The following ERI1 variants were observed in gnomAD, a reference collection of about 807,000 sequenced individuals.
The protein encoded by ERI1 is 3'-5' exoribonuclease 1.
In ERI1, 39 loss-of-function variants were observed where a neutral mutation model predicts 39.7. That is an observed-to-expected ratio of 0.98 (90% CI 0.76 to 1.28). The LOEUF (loss-of-function observed/expected upper bound fraction) is 1.28. Ranked by LOEUF, ERI1 falls within the 50% of genes most tolerant of loss-of-function variation. ERI1 has a pLI of 0.00. For missense variants in ERI1, 581 were observed against 416.9 expected (o/e 1.39, Z -3.43); for synonymous variants, 204 against 149.6 (o/e 1.36, Z -2.65).
intron 1 of ERI1, among the ~76,000 whole-genome samples, chr8:9,005,532 T>TTTTTA: frequency 6.7e-6 from 1 of 148,544 alleles, no homozygotes; most frequent in Non-Finnish European, 1.5e-5. Context: ...TTTTTTTTTT[T>TTTTTA]GAGAGGGAGT....
At chr8:9,044,692 C>G (rs2117355241) in intron 3 of ERI1, among the ~76,000 whole-genome samples, 1 of 151,906 alleles carries the variant, frequency 6.6e-6, no homozygotes, top group Non-Finnish European at 1.5e-5. Context: ...AATCGTTTAC[C>G]AAGCAGCAGA....
At chr8:9,006,995 C>G (rs957775901) in intron 1 of ERI1, among the ~76,000 whole-genome samples, 2 of 152,116 alleles carry the variant, frequency 1.3e-5, no homozygotes, top group African/African-American at 2.4e-5. Flanking sequence ...ACTAAGGTAA[C>G]AAGCTTTAAT....
chr8:9,064,379 C>A (rs1798802408), intron 3 of ERI1, among the ~76,000 whole-genome samples: 1 of 152,130 alleles, frequency 6.6e-6, no homozygotes, highest in African/African-American at 2.4e-5. Context: ...CTTGAGTGGT[C>A]AGACACCTCT....
At chr8:9,005,790 G>T (rs940712930) in intron 1 of ERI1, among the ~76,000 whole-genome samples, 1 of 152,146 alleles carries the variant, frequency 6.6e-6, no homozygotes. Flanking sequence ...CAACGCGCCC[G>T]GCCTCAACGA....
intron 6 of ERI1, among the ~76,000 whole-genome samples, chr8:9,028,452 C>G (rs1382350537): frequency 6.6e-6 from 1 of 152,132 alleles, no homozygotes; most frequent in Non-Finnish European, 1.5e-5. Flanking sequence ...AGGTGTTTTA[C>G]ATCATTTGCT....
rs1422352205 is a variant in ERI1, at chr8:9,032,479, G to C, written c.*2445G>C. 6.6e-6 allele frequency: 1 copy of C among 151,770 alleles called. No individual in the cohort carries two copies. Among genetic ancestry groups the C allele is most frequent in the Non-Finnish European group, 1.5e-5 (1 of 67,958 alleles). 9.4% of individuals were successfully genotyped at this position (151,770 alleles called of 1,614,324 possible). ...CTGTTGGATCAAGTATTTAACATTT[G>C]CTCTGAAAAAAATGTTTTTGTGATG... On this transcript the variant is annotated 3_prime_UTR_variant, in exon 7 of 7. Transcript: ENST00000250263.
At chr8:9,053,092 C>T (rs1260758640) in intron 3 of ERI1, among the ~76,000 whole-genome samples, 1 of 152,216 alleles carries the variant, frequency 6.6e-6, no homozygotes, top group African/African-American at 2.4e-5. Flanking sequence ...TCTCAGCAGA[C>T]TGCAACCTCT....
Position 9,027,149 on chromosome 8 carries a change from ATGTGTG to A in ERI1, c.808-2619_808-2614del, listed in dbSNP as rs140641752. 5.9e-3 allele frequency among the ~76,000 whole-genome samples: 836 copies of A among 141,756 alleles called. 6 individuals carry two copies. Among genetic ancestry groups the A allele is most frequent in the Middle Eastern group, 0.014 (4 of 288 alleles). The allele number at this position is 141,756 out of a possible 152,430, so 93.0% of individuals were successfully genotyped here. ...TTGTTATTTTCTGGTGTGTGTGTGT[ATGTGTG>A]TGTGTGTGTGTGTGTGTGTGTGTTT... On this transcript the variant is annotated intron_variant, in intron 6 of 6. Coordinates refer to ENST00000250263, the MANE Select transcript of ERI1 (RefSeq NM_153332.4).
At chr8:9,060,594 T>C (rs1304954544) in intron 3 of ERI1, among the ~76,000 whole-genome samples, 3 of 152,144 alleles carry the variant, frequency 2.0e-5, no homozygotes, top group African/African-American at 7.2e-5. Context: ...GAAGAGGTTA[T>C]GAAATGACCA....
At chr8:9,033,694 C>T (rs936965571), downstream of ERI1, among the ~76,000 whole-genome samples, 1 of 152,166 alleles carries the variant, frequency 6.6e-6, no homozygotes, top group Admixed American at 6.6e-5. Context: ...AGTTGAGGTC[C>T]AGAGCGGTTA....
At chr8:9,086,472 C>G (rs1315181000) in intron 3 of ERI1, among the ~76,000 whole-genome samples, 2 of 152,140 alleles carry the variant, frequency 1.3e-5, no homozygotes, top group Non-Finnish European at 2.9e-5. Flanking sequence ...ATCTCTTGAG[C>G]CAGGGAGGTC....
intron 6 of ERI1, among the ~76,000 whole-genome samples, chr8:9,025,779 C>G (rs757652621): frequency 2.0e-5 from 3 of 150,770 alleles, no homozygotes; most frequent in Middle Eastern, 3.4e-3. Flanking sequence ...ATGATTGGGA[C>G]CAGAAGAAAT....
chr8:9,092,052 G>C (rs1266768913), intron 3 of ERI1, among the ~76,000 whole-genome samples: 1 of 152,146 alleles, frequency 6.6e-6, no homozygotes, highest in Non-Finnish European at 1.5e-5. Flanking sequence ...CGCCTCCTGG[G>C]CTCAAGTGAT....
intron 3 of ERI1, among the ~76,000 whole-genome samples, chr8:9,094,510 A>G (rs1799812978): frequency 6.6e-6 from 1 of 152,128 alleles, no homozygotes; most frequent in Admixed American, 6.5e-5. Flanking sequence ...CGCACAGGGT[A>G]GAGAGATTGG....
At chr8:9,009,787 C>T (rs536955156) in intron 2 of ERI1, among the ~76,000 whole-genome samples, 1 of 152,186 alleles carries the variant, frequency 6.6e-6, no homozygotes, top group African/African-American at 2.4e-5. Context: ...ATTCACCCCC[C>T]TCCCAAAGTG....
intron 2 of ERI1, among the ~76,000 whole-genome samples, chr8:9,009,321 A>G (rs965415068): frequency 2.2e-4 from 33 of 152,344 alleles, no homozygotes; most frequent in African/African-American, 7.7e-4. Flanking sequence ...CTGGCCAGGT[A>G]CAGCATGAGA....
In ERI1 at chr8:9,032,884, A is replaced by G. The variant is rs1797689510; in HGVS notation, c.*2850A>G. The stretch of plus-strand genomic sequence containing the variant: ...CGCACGGGTGCATTGTCAAAGTCTG[A>G]GAAGGATGTATTGTACTTTGAAGGA... On this transcript the variant is annotated 3_prime_UTR_variant, in exon 7 of 7. Transcript: ENST00000250263. The G allele has an allele frequency of 6.6e-6, 1 of 152,188 alleles. No individual in the cohort carries two copies. The highest frequency in any genetic ancestry group is 2.4e-5 in the African/African-American group (1 of 41,438). The allele number at this position is 152,188 out of a possible 1,614,324, so 9.4% of individuals were successfully genotyped here.
At chr8:9,040,503 C>A (rs143428404) in intron 3 of ERI1, among the ~76,000 whole-genome samples, 2 of 152,042 alleles carry the variant, frequency 1.3e-5, no homozygotes, top group African/African-American at 4.8e-5. Context: ...GTGGATGCCA[C>A]GGTTTTGCTT....
Position 9,040,779 on chromosome 8 carries a change from C to G in ERI1, n.299+20315C>G, listed in dbSNP as rs371251226. ...CATTTGATAAGGTTCTTGTTTAGGA[C>G]TTCCTTAGCGCTGACAAAACGAACT... is the stretch of plus-strand genomic sequence containing the variant. On this transcript the variant is annotated intron_variant and non_coding_transcript_variant, in intron 3 of 3. Coordinates refer to the ERI1 transcript ENST00000518663. Among the ~76,000 whole-genome samples the G allele has an allele frequency of 6.7e-4, 102 of 151,654 alleles. 1 individual carries two copies. Among genetic ancestry groups the G allele is most frequent in the African/African-American group, 2.4e-3 (98 of 41,294 alleles).
Sources: allele counts gnomAD v4.1 joint callset (sites outside exome capture counted in the v4.1 genomes callset), GRCh38; gene constraint gnomAD v4.1.1; transcripts MANE v1.5; gene names NCBI Gene and HGNC (gene_info 2026-07-23, HGNC 2026-07-21).